Variants in TG observed in about 807,000 individuals in gnomAD.
TG encodes thyroid hormones.
In TG, 270 loss-of-function variants were observed where a neutral mutation model predicts 324.7. The ratio of observed to expected loss-of-function variants is 0.83; its 90% CI spans 0.75 to 0.92. The LOEUF is 0.92. Ranked by LOEUF, TG falls within the 40% of genes least tolerant of loss-of-function variation. The pLI is 0.00. For missense variants in TG, 3,591 were observed against 3,456.4 expected, an observed-to-expected ratio of 1.04 and a Z score of -0.98; for synonymous variants, 1,401 against 1,327.0, an observed-to-expected ratio of 1.06 and a Z score of -1.21.
chr8:133,052,359 T>C (rs1840573566), intron 41 of TG, among the ~76,000 whole-genome samples: 1 of 152,224 alleles, frequency 6.6e-6, no homozygotes, highest in Non-Finnish European at 1.5e-5. Context: ...CAATAAGCCA[T>C]GTAAAAGCAA....
intron 10 of TG, among the ~76,000 whole-genome samples, chr8:132,892,796 A>C (rs1587276365): frequency 7.3e-6 from 1 of 137,718 alleles, no homozygotes; most frequent in Non-Finnish European, 1.6e-5. Context: ...TATGTGTATG[A>C]GTGTGGTGTG....
chr8:132,935,760 G>A lies in TG; in HGVS notation c.4937G>A (p.Arg1646Gln), dbSNP rs2129751816. ...GCAGCATCTTTCCATCTCCAGAAACGAGATGCACTGGGGAACTCAAAGGCC... is the reference window on the plus strand; with the variant it reads ...GCAGCATCTTTCCATCTCCAGAAACAAGATGCACTGGGGAACTCAAAGGCC... ...NVACMTSDQK[R>Q]DALGNSKATS... Residue 1646 changes from arginine to glutamine, a missense_variant, in exon 25 of 48, where the codon CGA (arginine) becomes CAA (glutamine). Physicochemically the swap from Arg to Gln is conservative, Grantham distance 43. Transcript: ENST00000220616. 7 of 1,612,136 alleles carry A rather than the reference G, an allele frequency of 4.3e-6. No individual in the cohort carries two copies. Among genetic ancestry groups the A allele is most frequent in the Non-Finnish European group, 5.1e-6 (6 of 1,179,344 alleles).
chr8:133,013,401 G>A lies in TG; in HGVS notation c.6398-199G>A, dbSNP rs562902358. On this transcript the variant is annotated intron_variant, in intron 36 of 47. Transcript: ENST00000220616. The stretch of plus-strand genomic sequence containing the variant: ...TACATGATTTGATGAAAGGGTAGAT[G>A]GATGGAAGAGTAGATGAGTGGATGG... Among the ~76,000 whole-genome samples, 105 of 152,164 alleles carry A rather than the reference G, an allele frequency of 6.9e-4. 1 individual carries two copies. The highest frequency in any genetic ancestry group is 7.8e-4 in the Non-Finnish European group (53 of 67,982).
chr8:133,004,354 A>G (rs1201783725), intron 35 of TG, among the ~76,000 whole-genome samples: 1 of 152,190 alleles, frequency 6.6e-6, no homozygotes, highest in Non-Finnish European at 1.5e-5. Flanking sequence ...CCAAGACTAT[A>G]TAGCACAGCA....
rs1850439421 is a variant in TG, at chr8:133,113,527, G to A, written c.7678G>A (p.Ala2560Thr). 1.9e-6 allele frequency: 3 copies of A among 1,614,020 alleles called. No homozygotes were observed. Among genetic ancestry groups the A allele is most frequent in the African/African-American group, 1.3e-5 (1 of 74,880 alleles). The change falls in exon 44 of 48, where the codon GCT (alanine) becomes ACT (threonine). Residue 2560 changes from alanine to threonine, a missense_variant. Coordinates refer to ENST00000220616, the MANE Select transcript of TG (RefSeq NM_003235.5). ...CTCAGATGCCCGCGTCGAGGCTGCT[G>A]CTACATGGTATTACTCTCTGGAGCA... is the stretch of plus-strand genomic sequence containing the variant. ...EDSDARVEAA[A>T]TWYYSLEHST... is the part of the protein sequence containing the mutation.
chr8:132,971,999 G>A (rs762419051), intron 33 of TG, 126 bp downstream of exon 33: 4 of 757,860 alleles, frequency 5.3e-6, no homozygotes, highest in Admixed American at 2.0e-5. Flanking sequence ...GGAAATGGGG[G>A]CTTGGAGAGG....
chr8:132,914,410 T>C (rs1251027508), intron 20 of TG, among the ~76,000 whole-genome samples: 1 of 152,224 alleles, frequency 6.6e-6, no homozygotes, highest in Admixed American at 6.5e-5. Context: ...CAAATGGCCT[T>C]TCCTTTTCTG....
chr8:133,102,560 G>A, intron 43 of TG: 1 of 1,551,568 alleles, frequency 6.4e-7, no homozygotes, highest in Non-Finnish European at 8.7e-7. Context: ...TACCGGTGGA[G>A]CATCAGGGCT....
At position 132,919,364 on chromosome 8, in the gene TG, G is replaced by A. The variant is rs1563955376; in HGVS notation, c.4379-12G>A. 2 of 1,613,298 alleles carry A rather than the reference G, an allele frequency of 1.2e-6. No homozygotes were observed. Among genetic ancestry groups the A allele is most frequent in the Admixed American group, 3.3e-5 (2 of 59,950 alleles). On this transcript the variant is annotated splice_polypyrimidine_tract_variant and intron_variant, in intron 20 of 47. Transcript: ENST00000220616. ...TCTTGATTTTTAACATCATTTCTCT[G>A]TTTTTTTCTAGTTAAGTGTCCTGAA...
At chr8:132,883,267 C>T in intron 8 of TG, 1 of 476,196 alleles carries the variant, frequency 2.1e-6, no homozygotes, top group East Asian at 3.9e-5. Context: ...ATTGAGTTCC[C>T]ATGTGCGGTG....
At position 132,867,431 on chromosome 8, in the gene TG, A is replaced by G. The variant is rs538671894; in HGVS notation, c.67+364A>G. On this transcript the variant is annotated intron_variant, in intron 1 of 47. Coordinates refer to ENST00000220616, the MANE Select transcript of TG (RefSeq NM_003235.5). ...AACAGGTATTTTAGAAGCAGTAGAA[A>G]AAGAAATCTACCTATGAAGTGAAAT... Among the ~76,000 whole-genome samples, 38 of 152,282 alleles carry G rather than the reference A, an allele frequency of 2.5e-4. No individual in the cohort carries two copies. In the South Asian group the frequency reaches 3.7e-3, roughly 15 times the overall value.
At chr8:132,937,742 G>A (rs940662714) in intron 25 of TG, among the ~76,000 whole-genome samples, 5 of 144,718 alleles carry the variant, frequency 3.5e-5, no homozygotes, top group African/African-American at 1.2e-4. Flanking sequence ...AAATGCAATT[G>A]TATTTCTGTT....
At chr8:133,040,931 T>G (rs960072657) in intron 41 of TG, among the ~76,000 whole-genome samples, 1 of 152,208 alleles carries the variant, frequency 6.6e-6, no homozygotes, top group Non-Finnish European at 1.5e-5. Flanking sequence ...TTCTCTTGCA[T>G]GAAAATCTCT....
chr8:133,106,228 T>C (rs1282734426), intron 43 of TG, among the ~76,000 whole-genome samples: 1 of 152,096 alleles, frequency 6.6e-6, no homozygotes, highest in East Asian at 1.9e-4. Context: ...GAAGGGCCAT[T>C]CCCTGAGGAG....
intron 40 of TG, among the ~76,000 whole-genome samples, chr8:133,025,982 C>A (rs1435786640): frequency 3.9e-5 from 6 of 152,134 alleles, no homozygotes; most frequent in Non-Finnish European, 7.3e-5. Context: ...GGGCGTCTCA[C>A]GTGAGATGAA....
chr8:133,126,124 A>G (rs1043819108), intron 45 of TG, among the ~76,000 whole-genome samples: 3 of 152,218 alleles, frequency 2.0e-5, no homozygotes, highest in African/African-American at 7.2e-5. Flanking sequence ...TTAACTTTAA[A>G]CACATAAATC....
At chr8:132,882,790 C>A (rs756305162) in intron 7 of TG, 24 bp from the exon 8 acceptor site, 3 of 1,614,154 alleles carry the variant, frequency 1.9e-6, no homozygotes, top group Admixed American at 1.7e-5. Flanking sequence ...ACACTGTCTT[C>A]TTTACTGTGT....
At chr8:132,901,153 G>T (rs1274823639) in intron 15 of TG, among the ~76,000 whole-genome samples, 200 bp from the exon 16 acceptor site, 1 of 146,024 alleles carries the variant, frequency 6.8e-6, no homozygotes, top group African/African-American at 2.8e-5. Context: ...CAGTGGAGGG[G>T]AGAGAGTACA....
In TG at chr8:133,024,306, T is replaced by TTTTCTTTC. The variant is rs199604332; in HGVS notation, c.7036+2236_7036+2243dup. On this transcript the variant is annotated intron_variant, in intron 40 of 47. Coordinates refer to ENST00000220616, the MANE Select transcript of TG (RefSeq NM_003235.5). ...TTTTGCATTCATTAGCCACAGGCCA[T>TTTTCTTTC]TTTCTTTCTTTCTTTCTTTCTTTCT... Among the ~76,000 whole-genome samples the TTTTCTTTC allele has an allele frequency of 5.7e-4, 50 of 87,958 alleles. 2 individuals carry two copies. The highest frequency in any genetic ancestry group is 1.3e-3 in the East Asian group (3 of 2,340). 57.7% of individuals were successfully genotyped at this position (87,958 alleles called of 152,430 possible).
Sources: allele counts gnomAD v4.1 joint callset (sites outside exome capture counted in the v4.1 genomes callset), GRCh38; gene constraint gnomAD v4.1.1; transcripts MANE v1.5; gene names NCBI Gene and HGNC (gene_info 2026-07-23, HGNC 2026-07-21).